The following SLC24A3 variants were observed in gnomAD, a reference collection of about 807,000 sequenced individuals.
SLC24A3 encodes the protein sodium/potassium/calcium exchanger 3.
A neutral mutation model predicts 75.8 loss-of-function variants in SLC24A3; 28 were observed. The observed-to-expected ratio is 0.37, with a 90% CI of 0.27 to 0.51. The LOEUF is 0.51. SLC24A3 is among the 20% of genes least tolerant of loss of function. The pLI is 0.94. For synonymous variants in SLC24A3, 372 were observed against 334.1 expected, an observed-to-expected ratio of 1.11 and a Z score of -1.24; for missense variants, 663 against 847.8, an observed-to-expected ratio of 0.78 and a Z score of 2.71.
rs981854645 is a variant in SLC24A3, at chr20:19,537,517, C to G, written c.348+21953C>G. On this transcript the variant is annotated intron_variant, in intron 3 of 16. Transcript: ENST00000328041. ...AGAAATACCATTTGACCCAGCCATC[C>G]CATTACTGGGCATATACCCAAAGGA... 1.7e-4 allele frequency among the ~76,000 whole-genome samples: 26 copies of G among 152,250 alleles called. No homozygotes were observed. In the East Asian group the frequency reaches 4.8e-3, roughly 28 times the overall value.
intron 4 of SLC24A3, among the ~76,000 whole-genome samples, chr20:19,581,825 A>G (rs1398937821): frequency 1.3e-5 from 2 of 152,118 alleles, no homozygotes. Context: ...CCATCCAGAG[A>G]CGAGCCTGGA....
intron 2 of SLC24A3, among the ~76,000 whole-genome samples, chr20:19,406,985 A>T (rs1355434623): frequency 6.6e-6 from 1 of 151,148 alleles, no homozygotes; most frequent in Admixed American, 6.6e-5. Flanking sequence ...GCACAGACAC[A>T]TATCACTCAC....
intron 3 of SLC24A3, among the ~76,000 whole-genome samples, chr20:19,520,125 C>T (rs1394362442): frequency 2.0e-5 from 3 of 152,196 alleles, no homozygotes; most frequent in Non-Finnish European, 4.4e-5. Flanking sequence ...GATTCTCTAT[C>T]CCATACCAAG....
intron 2 of SLC24A3, among the ~76,000 whole-genome samples, chr20:19,343,086 A>AAAAAAAG (rs1568594797): frequency 1.5e-5 from 2 of 133,424 alleles, no homozygotes; most frequent in African/African-American, 7.3e-5. Context: ...AAAAAAAAAG[A>AAAAAAAG]AAAAAGAAAA....
chr20:19,461,492 C>CAGATACTTG (rs1987671971), intron 2 of SLC24A3, among the ~76,000 whole-genome samples: 1 of 151,218 alleles, frequency 6.6e-6, no homozygotes, highest in Non-Finnish European at 1.5e-5. Context: ...TATTATTCGC[C>CAGATACTTG]AGATACTTGT....
At chr20:19,711,454 A>G (rs1191804125) in intron 15 of SLC24A3, among the ~76,000 whole-genome samples, 3 of 151,920 alleles carry the variant, frequency 2.0e-5, no homozygotes, top group East Asian at 1.9e-4. Flanking sequence ...AAACGCGTGC[A>G]CACACACACA....
Position 19,470,027 on chromosome 20 carries a change from G to A in SLC24A3, c.272-45461G>A, listed in dbSNP as rs1336233148. On this transcript the variant is annotated intron_variant, in intron 2 of 16. Transcript: ENST00000328041. The stretch of plus-strand genomic sequence containing the variant: ...CAGGGACCCTTGCTTGAGAACCGCC[G>A]GCAAGCTCAGGTCGTTCCCACAGTT... Among the ~76,000 whole-genome samples the A allele has an allele frequency of 3.9e-5, 6 of 152,138 alleles. No homozygotes were observed. The East Asian group carries it at 5.8e-4, about 15-fold the overall frequency.
intron 1 of SLC24A3, among the ~76,000 whole-genome samples, chr20:19,223,321 C>G (rs1237251823): frequency 1.3e-5 from 2 of 152,152 alleles, no homozygotes; most frequent in African/African-American, 4.8e-5. Context: ...AGAAGTAATA[C>G]AGAGACATCT....
chr20:19,305,236 A>C (rs762202967), intron 2 of SLC24A3, among the ~76,000 whole-genome samples: 1 of 152,086 alleles, frequency 6.6e-6, no homozygotes, highest in Non-Finnish European at 1.5e-5. Flanking sequence ...TGCCTCTTTC[A>C]TGAGGAAATG....
chr20:19,706,339 T>C (rs145402650), intron 15 of SLC24A3, among the ~76,000 whole-genome samples: 9 of 152,266 alleles, frequency 5.9e-5, no homozygotes, highest in African/African-American at 2.2e-4. Flanking sequence ...GCACAAGCAA[T>C]TCCAAAACAA....
intron 3 of SLC24A3, among the ~76,000 whole-genome samples, chr20:19,579,339 T>G (rs889158543): frequency 3.9e-5 from 6 of 152,202 alleles, no homozygotes; most frequent in African/African-American, 1.4e-4. Context: ...TGGTCATAGC[T>G]GACCAAGATG....
chr20:19,326,658 G>A (rs11905376), intron 2 of SLC24A3, among the ~76,000 whole-genome samples: 11,164 of 150,254 alleles, frequency 0.074, 1,334 homozygotes, highest in African/African-American at 0.26. Context: ...ACTCACTGCA[G>A]CCTCGACCTT....
intron 2 of SLC24A3, among the ~76,000 whole-genome samples, chr20:19,356,128 C>T (rs546259602): frequency 6.6e-6 from 1 of 152,294 alleles, no homozygotes; most frequent in Non-Finnish European, 1.5e-5. Flanking sequence ...CATATGCCAC[C>T]TCCTAAATTA....
chr20:19,569,619 A>G (rs534386981), intron 3 of SLC24A3, among the ~76,000 whole-genome samples: 1 of 152,298 alleles, frequency 6.6e-6, no homozygotes, highest in South Asian at 2.1e-4. Flanking sequence ...ACTGATGGGA[A>G]GCTGTGACAG....
chr20:19,696,681 T>C, intron 13 of SLC24A3, 116 bp from the exon 14 acceptor site: 1 of 682,204 alleles, frequency 1.5e-6, no homozygotes, highest in South Asian at 1.8e-5. Flanking sequence ...GAGCAGACAT[T>C]GCACCCCACA....
chr20:19,527,044 C>T (rs1383241288), intron 3 of SLC24A3, among the ~76,000 whole-genome samples: 1 of 152,104 alleles, frequency 6.6e-6, no homozygotes, highest in East Asian at 1.9e-4. Context: ...TTATTCACCA[C>T]CCACCAAGAA....
intron 2 of SLC24A3, among the ~76,000 whole-genome samples, chr20:19,470,202 T>G (rs1987845785): frequency 6.6e-6 from 1 of 152,214 alleles, no homozygotes; most frequent in Non-Finnish European, 1.5e-5. Context: ...GCAAATATCC[T>G]TTCTTTTCCA....
chr20:19,679,587 G>A (rs896311072), intron 9 of SLC24A3, among the ~76,000 whole-genome samples: 2 of 150,638 alleles, frequency 1.3e-5, no homozygotes, highest in Non-Finnish European at 3.0e-5. Flanking sequence ...CGGAGACCGT[G>A]GGGAGAGGGA....
At chr20:19,351,063 G>C (rs1252410297) in intron 2 of SLC24A3, among the ~76,000 whole-genome samples, 1 of 152,106 alleles carries the variant, frequency 6.6e-6, no homozygotes, top group African/African-American at 2.4e-5. Context: ...TTGATGTTTG[G>C]CTGTCTTTTT....
Sources: allele counts gnomAD v4.1 joint callset (sites outside exome capture counted in the v4.1 genomes callset), GRCh38; gene constraint gnomAD v4.1.1; transcripts MANE v1.5; gene names NCBI Gene and HGNC (gene_info 2026-07-23, HGNC 2026-07-21).